PCID2: variants seen among roughly 807,000 people sequenced by gnomAD.
PCID2 encodes the protein PCI domain-containing protein 2.
Under a neutral mutation model 61.3 loss-of-function variants are expected in PCID2, and 41 were observed. The ratio of observed to expected loss-of-function variants is 0.67; its 90% confidence interval spans 0.52 to 0.87. The LOEUF (loss-of-function observed/expected upper bound fraction) is 0.87, where lower values mean the gene tolerates loss of function less well. PCID2 is among the 40% of genes least tolerant of loss of function. The pLI is 0.00. For missense variants in PCID2, 392 were observed against 493.4 expected, an observed-to-expected ratio of 0.79 and a Z score of 1.95; for synonymous variants, 187 against 177.8, an observed-to-expected ratio of 1.05 and a Z score of -0.41.
chr13:113,177,033 G>A (rs2037202445), downstream of PCID2, among the ~76,000 whole-genome samples: 1 of 152,246 alleles, frequency 6.6e-6, no homozygotes, highest in Non-Finnish European at 1.5e-5. Flanking sequence ...GGTGCCGAAG[G>A]GACGCGCTCA....
chr13:113,201,603 A>T (rs2039433444), intron 1 of PCID2, among the ~76,000 whole-genome samples: 1 of 152,180 alleles, frequency 6.6e-6, no homozygotes, highest in South Asian at 2.1e-4. Context: ...TGAGGTCAGA[A>T]GATCGAGACC....
chr13:113,207,918 C>T (rs535324186), intron 1 of PCID2: 3 of 967,564 alleles, frequency 3.1e-6, no homozygotes, highest in Non-Finnish European at 5.1e-6. Flanking sequence ...TATTTCCTAT[C>T]CCTGTTACCA....
At chr13:113,204,587 G>A (rs2039665932) in intron 1 of PCID2, among the ~76,000 whole-genome samples, 1 of 152,174 alleles carries the variant, frequency 6.6e-6, no homozygotes. Context: ...GCTGCACCCA[G>A]TGTCCCACGG....
At chr13:113,185,398 G>T in intron 8 of PCID2, 87 bp downstream of exon 8, 1 of 907,296 alleles carries the variant, frequency 1.1e-6, no homozygotes, top group Admixed American at 1.9e-5. Flanking sequence ...GCAACGCCAG[G>T]GAGGCTAGCT....
In PCID2 at chr13:113,208,649, A is replaced by C; in HGVS notation, c.-15T>G. 2 of 1,604,482 alleles carry C rather than the reference A, an allele frequency of 1.2e-6. No homozygotes were observed. The highest frequency in any genetic ancestry group is 1.7e-6 in the Non-Finnish European group (2 of 1,176,332). On this transcript the variant is annotated 5_prime_UTR_variant, in exon 1 of 14. Transcript: ENST00000337344. ...ATGTGCGCCATGGGAGCGCCGCCGA[A>C]CGGAGAGCGCCACCCCCTACGCCTC...
the PCID2 span, chr13:113,172,343 A>C: frequency 5.3e-6 from 3 of 562,856 alleles, no homozygotes; most frequent in South Asian, 4.0e-5. Context: ...AAAACATGAG[A>C]TACGTTAAAT....
chr13:113,172,032 G>C, the PCID2 span: 2 of 1,613,156 alleles, frequency 1.2e-6, no homozygotes, highest in Non-Finnish European at 1.7e-6. Context: ...CAGCCAGTAG[G>C]AGGGCAGGCT....
At chr13:113,208,290 G>A in intron 1 of PCID2, 5 of 1,433,156 alleles carry the variant, frequency 3.5e-6, no homozygotes, top group Non-Finnish European at 4.6e-6. Flanking sequence ...GACCGCCTGG[G>A]AGCGCGGCCA....
At position 113,179,077 on chromosome 13, in the gene PCID2, C is replaced by G; in HGVS notation, c.999G>C (p.Leu333=). Residue 333 remains leucine (L), a synonymous_variant, in exon 13 of 14, where the codon CTG becomes CTC. Transcript: ENST00000337344. This position sits in a 1 kb window ranked among gnomAD's most constrained non-coding sequence, Gnocchi z 4.3. ...RNLFKKVYLL[L]KTHQLSLDAF... is the part of the protein sequence containing the mutation. ...CATCCAGAGACAGCTGGTGTGTTTT[C>G]AGTAACAAATACCTGGAAGAGGGGA... 1 of 1,613,640 alleles carries G rather than the reference C, an allele frequency of 6.2e-7. No homozygotes were observed. The highest frequency in any genetic ancestry group is 8.5e-7 in the Non-Finnish European group (1 of 1,179,770).
chr13:113,172,367 A>C, the PCID2 span: 1 of 497,506 alleles, frequency 2.0e-6, no homozygotes, highest in Non-Finnish European at 3.6e-6. Flanking sequence ...AAAATAAGAT[A>C]ATCTGTCAGT....
chr13:113,166,165 T>C, the PCID2 span: 1 of 152,238 alleles, frequency 6.6e-6, no homozygotes, highest in East Asian at 1.9e-4. Context: ...AGAAATGCAG[T>C]GTAAACCACA....
chr13:113,195,794 A>T (rs982674968), intron 5 of PCID2, among the ~76,000 whole-genome samples: 9 of 152,364 alleles, frequency 5.9e-5, no homozygotes, highest in African/African-American at 2.2e-4. Context: ...CAAGGCATTT[A>T]AAAATACCAC....
In PCID2 at chr13:113,179,903, G is replaced by C. The variant is rs533925491; in HGVS notation, c.986+14C>G. The C allele has an allele frequency of 1.2e-6, 2 of 1,607,666 alleles. No homozygotes were observed. Among genetic ancestry groups the C allele is most frequent in the African/African-American group, 2.7e-5 (2 of 74,752 alleles). On this transcript the variant is annotated intron_variant, in intron 12 of 13. Coordinates refer to ENST00000337344, the MANE Select transcript of PCID2 (RefSeq NM_001127202.4). This position sits in a 1 kb window ranked among gnomAD's most constrained non-coding sequence, Gnocchi z 4.3. The stretch of plus-strand genomic sequence containing the variant: ...AGCCACACTGGGAGCCCAATGTGCC[G>C]GGGAAATGCTTACACTTTCTTAAAG...
At chr13:113,200,636 A>G in intron 1 of PCID2, 120 bp from the exon 2 acceptor site, 1 of 647,624 alleles carries the variant, frequency 1.5e-6, no homozygotes, top group Non-Finnish European at 2.8e-6. Context: ...TTGAAAGAAG[A>G]CAGAACAATC....
intron 1 of PCID2, chr13:113,208,346 C>G: frequency 4.9e-6 from 7 of 1,433,986 alleles, no homozygotes; most frequent in Non-Finnish European, 6.4e-6. Flanking sequence ...GCCGCGTCTA[C>G]TTACACCGCG....
In PCID2 at chr13:113,179,076, TCAGTAA is replaced by T; in HGVS notation, c.994_999del (p.Leu332_Leu333del). The T allele has an allele frequency of 3.7e-6, 6 of 1,613,774 alleles. No homozygotes were observed. The highest frequency in any genetic ancestry group is 5.1e-6 in the Non-Finnish European group (6 of 1,179,830). On this transcript the variant is annotated inframe_deletion, in exon 13 of 14. Coordinates refer to ENST00000337344, the MANE Select transcript of PCID2 (RefSeq NM_001127202.4). This position sits in a 1 kb window ranked among gnomAD's most constrained non-coding sequence, Gnocchi z 4.3. ...GCATCCAGAGACAGCTGGTGTGTTT[TCAGTAA>T]CAAATACCTGGAAGAGGGGAGGAGA...
the PCID2 span, among the ~76,000 whole-genome samples, chr13:113,169,019 A>G: frequency 6.6e-6 from 1 of 152,138 alleles, no homozygotes. Context: ...GTGAGCCACC[A>G]TGCCTGGCCC....
At chr13:113,208,554 C>T in intron 1 of PCID2, 45 bp downstream of exon 1, 1 of 1,597,766 alleles carries the variant, frequency 6.3e-7, no homozygotes. Context: ...ACGGAACACG[C>T]CGAGGGCCAA....
In PCID2 at chr13:113,179,875, G is replaced by A. The variant is rs779631429; in HGVS notation, c.986+42C>T. 17 of 1,590,228 alleles carry A rather than the reference G, an allele frequency of 1.1e-5. No homozygotes were observed. The highest frequency in any genetic ancestry group is 1.4e-5 in the Non-Finnish European group (16 of 1,166,030). On this transcript the variant is annotated intron_variant, in intron 12 of 13. Transcript: ENST00000337344. The surrounding 1 kb of genome is among the most constrained non-coding windows in gnomAD (Gnocchi z 4.3). ...GCCCTGGATGTCTGACTGCTCTGCC[G>A]AGAGCCACACTGGGAGCCCAATGTG...
Sources: gnomAD v4.1 joint callset for allele counts (sites outside exome capture counted in the v4.1 genomes callset) on GRCh38, gnomAD v4.1.1 for gene constraint, Gnocchi (gnomAD v3.1) non-coding constraint, MANE v1.5 for transcripts, NCBI Gene and HGNC (gene_info 2026-07-23, HGNC 2026-07-21) for gene names.